Variants in SZRD1 observed in about 807,000 individuals in gnomAD.
SZRD1 encodes SUZ RNA binding domain containing 1.
In SZRD1, 7 loss-of-function variants were observed where a neutral mutation model predicts 17.6. The observed-to-expected ratio is 0.40, with a 90% CI of 0.23 to 0.75. The LOEUF is 0.75. SZRD1 is among the 30% of genes least tolerant of loss of function. The probability of loss-of-function intolerance (pLI) is 0.38; values close to 1 mark genes in which losing one functional copy is unlikely to be tolerated. For missense variants in SZRD1, 178 were observed against 201.8 expected (o/e 0.88, Z 0.71); for synonymous variants, 77 against 77.9 (o/e 0.99, Z 0.06).
intron 2 of SZRD1, among the ~76,000 whole-genome samples, chr1:16,392,152 G>C (rs1186363610): frequency 2.0e-5 from 3 of 152,128 alleles, no homozygotes; most frequent in Non-Finnish European, 4.4e-5. Flanking sequence ...CTCCTTGTCT[G>C]TCTGCTCATC....
intron 1 of SZRD1, among the ~76,000 whole-genome samples, chr1:16,373,329 C>T (rs966388783): frequency 6.6e-6 from 1 of 151,256 alleles, no homozygotes; most frequent in African/African-American, 2.4e-5. Context: ...CCTGTAATGC[C>T]AGCACTTTGG....
intron 1 of SZRD1, among the ~76,000 whole-genome samples, chr1:16,390,940 C>G (rs1223197832): frequency 1.3e-5 from 2 of 152,082 alleles, no homozygotes; most frequent in Non-Finnish European, 2.9e-5. Flanking sequence ...TGCTCAGAAG[C>G]TTTGACTAGG....
intron 1 of SZRD1, among the ~76,000 whole-genome samples, chr1:16,374,938 C>T (rs1000144057): frequency 2.8e-4 from 43 of 152,222 alleles, no homozygotes; most frequent in Non-Finnish European, 5.1e-4. Flanking sequence ...AGTGCAGTGG[C>T]GCAATCTCAG....
At chr1:16,372,970 A>G (rs570071212) in intron 1 of SZRD1, among the ~76,000 whole-genome samples, 14 of 152,336 alleles carry the variant, frequency 9.2e-5, no homozygotes, top group South Asian at 4.1e-4. Context: ...TTGAAAGATC[A>G]GTTGAATTAA....
chr1:16,395,422 G>A lies in SZRD1; in HGVS notation c.*282G>A. On this transcript the variant is annotated 3_prime_UTR_variant, in exon 4 of 4. Transcript: ENST00000401088. Reference sequence around the variant, plus strand: ...GTTAGGGGAAGGTTGGGGGGACCCAGCAAGGACTCAGAGAGTCAGACAGTG... The same window carrying A: ...GTTAGGGGAAGGTTGGGGGGACCCAACAAGGACTCAGAGAGTCAGACAGTG... The A allele has an allele frequency of 2.2e-6, 1 of 452,414 alleles. No homozygotes were observed. The highest frequency in any genetic ancestry group is 4.1e-6 in the Non-Finnish European group (1 of 243,586). 28.0% of individuals were successfully genotyped at this position (452,414 alleles called of 1,614,324 possible).
chr1:16,387,774 C>T, intron 1 of SZRD1: 1 of 446,978 alleles, frequency 2.2e-6, no homozygotes, highest in South Asian at 1.6e-5. Context: ...CAAGAAGTTA[C>T]TTGTGAGAAG....
chr1:16,392,263 C>T lies in SZRD1; in HGVS notation c.101+839C>T, dbSNP rs114672019. 8.9e-3 allele frequency among the ~76,000 whole-genome samples: 1,359 copies of T among 152,280 alleles called. 13 individuals are homozygous for T. Among genetic ancestry groups the T allele is most frequent in the African/African-American group, 0.031 (1,293 of 41,538 alleles). ...CACCCTGGCTCAGTTCCTCCAATCCCGACTCCTCCTGACAGCCAAGGCTCT... is the reference window on the plus strand; with the variant it reads ...CACCCTGGCTCAGTTCCTCCAATCCTGACTCCTCCTGACAGCCAAGGCTCT... On this transcript the variant is annotated intron_variant, in intron 2 of 3. Coordinates refer to ENST00000401088, the MANE Select transcript of SZRD1 (RefSeq NM_001114600.3).
At chr1:16,369,502 T>C in intron 1 of SZRD1, 1 of 907,778 alleles carries the variant, frequency 1.1e-6, no homozygotes, top group Non-Finnish European at 1.8e-6. Context: ...TTTGCCCCCC[T>C]TCACCACAGG....
At chr1:16,368,469 G>A (rs902569750) in intron 1 of SZRD1, among the ~76,000 whole-genome samples, 2 of 145,246 alleles carry the variant, frequency 1.4e-5, no homozygotes, top group African/African-American at 4.9e-5. Flanking sequence ...CGCTGGTTCA[G>A]CATTTCTCTC....
intron 1 of SZRD1, among the ~76,000 whole-genome samples, chr1:16,382,643 C>T (rs1430083649): frequency 6.6e-6 from 1 of 151,640 alleles, no homozygotes; most frequent in Non-Finnish European, 1.5e-5. Context: ...TACAGGCATG[C>T]GCCATCACAC....
At chr1:16,367,428 G>A in intron 1 of SZRD1, 120 bp downstream of exon 1, 1 of 934,734 alleles carries the variant, frequency 1.1e-6, no homozygotes, top group Non-Finnish European at 1.6e-6. Context: ...CGGGCTGGGG[G>A]TGGTGGAGAG....
intron 1 of SZRD1, among the ~76,000 whole-genome samples, chr1:16,374,643 C>G (rs2082969108): frequency 2.0e-5 from 3 of 152,168 alleles, no homozygotes; most frequent in Admixed American, 2.0e-4. Context: ...TTCCAGGGGC[C>G]AGCCCTTTCC....
intron 1 of SZRD1, chr1:16,387,789 T>A (rs1046029104): frequency 3.0e-5 from 13 of 438,252 alleles, no homozygotes; most frequent in South Asian, 2.1e-4. Flanking sequence ...GAGAAGCCCT[T>A]AAAAGGTAAT....
chr1:16,387,240 G>A (rs1024711855), intron 1 of SZRD1: 8 of 452,604 alleles, frequency 1.8e-5, no homozygotes, highest in East Asian at 7.0e-5. Context: ...CTCTTGAAGC[G>A]CTTTTCTTCC....
intron 1 of SZRD1, chr1:16,387,133 T>C (rs1264265698): frequency 8.3e-6 from 3 of 360,308 alleles, no homozygotes; most frequent in African/African-American, 6.4e-5. Context: ...AAGGTATTAT[T>C]TTAAAAGCTA....
At chr1:16,383,591 CTTTT>C (rs150790343) in intron 1 of SZRD1, among the ~76,000 whole-genome samples, 12,449 of 143,176 alleles carry the variant, frequency 0.087, 689 homozygotes, top group Non-Finnish European at 0.13. Context: ...TAATTTTTTT[CTTTT>C]TTTTTCTTTT....
In SZRD1 at chr1:16,368,828, C is replaced by A. The variant is rs74643735; in HGVS notation, c.51+1520C>A. On this transcript the variant is annotated intron_variant, in intron 1 of 3. Transcript: ENST00000401088. Reference sequence around the variant, plus strand: ...CAACTTTAATATCATGCAAATGATACGTTTCTTGGGCATCTTGGCCTTTCT... The same window carrying A: ...CAACTTTAATATCATGCAAATGATAAGTTTCTTGGGCATCTTGGCCTTTCT... 9.2e-5 allele frequency among the ~76,000 whole-genome samples: 14 copies of A among 152,268 alleles called. No homozygotes were observed. The East Asian group carries it at 2.5e-3, about 27-fold the overall frequency.
chr1:16,380,602 G>A (rs943372454), intron 1 of SZRD1, among the ~76,000 whole-genome samples: 1 of 152,152 alleles, frequency 6.6e-6, no homozygotes, highest in South Asian at 2.1e-4. Context: ...CCGAGTAGCT[G>A]GAATTACAGG....
chr1:16,387,568 C>A (rs1274859801), intron 1 of SZRD1: 1 of 456,726 alleles, frequency 2.2e-6, no homozygotes, highest in South Asian at 1.5e-5. Flanking sequence ...TGGTGCCCTG[C>A]AGCCCCTTCA....
Sources: gnomAD v4.1 joint callset for allele counts (sites outside exome capture counted in the v4.1 genomes callset) on GRCh38, gnomAD v4.1.1 for gene constraint, MANE v1.5 for transcripts, NCBI Gene and HGNC (gene_info 2026-07-23, HGNC 2026-07-21) for gene names.